Variants in SRRT observed in about 807,000 individuals in gnomAD.
SRRT encodes the protein serrate RNA effector molecule homolog.
A neutral mutation model predicts 103.2 loss-of-function variants in SRRT; 32 were observed. That is an observed-to-expected ratio of 0.31 (90% CI 0.23 to 0.42). SRRT has a LOEUF of 0.42. SRRT is among the 10% of genes least tolerant of loss of function. SRRT has a pLI of 1.00. For synonymous variants in SRRT, 525 were observed against 449.0 expected (o/e 1.17, Z -2.14); for missense variants, 986 against 1,207.5 (o/e 0.82, Z 2.72).
Position 100,885,180 on chromosome 7 carries a change from C to A in SRRT, c.1160-33C>A, listed in dbSNP as rs1359744791. 6.2e-7 allele frequency: 1 copy of A among 1,607,530 alleles called. No individual in the cohort carries two copies. The highest frequency in any genetic ancestry group is 1.1e-5 in the South Asian group (1 of 90,724). On this transcript the variant is annotated intron_variant, in intron 9 of 19. Coordinates refer to ENST00000611405, the MANE Select transcript of SRRT (RefSeq NM_015908.6). This position sits in a 1 kb window ranked among gnomAD's most constrained non-coding sequence, Gnocchi z 4.8. ...CCCACCACAATCAGTAATAAAAATGCACCAACTCCTTCCTACCCCCCTTCC... is the reference window on the plus strand; with the variant it reads ...CCCACCACAATCAGTAATAAAAATGAACCAACTCCTTCCTACCCCCCTTCC...
Position 100,886,988 on chromosome 7 carries a change from G to T in SRRT, c.1821+20G>T. 6.2e-7 allele frequency: 1 copy of T among 1,609,970 alleles called. No individual in the cohort carries two copies. Among genetic ancestry groups the T allele is most frequent in the Non-Finnish European group, 8.5e-7 (1 of 1,176,960 alleles). Reference sequence around the variant, plus strand: ...ATTAAGGTGCCAGTGGCAGCGCGGGGCACGTGGGGGCTCGGGCGGTGAGGG... The same window carrying T: ...ATTAAGGTGCCAGTGGCAGCGCGGGTCACGTGGGGGCTCGGGCGGTGAGGG... On this transcript the variant is annotated intron_variant, in intron 14 of 19. Coordinates refer to ENST00000611405, the MANE Select transcript of SRRT (RefSeq NM_015908.6).
chr7:100,875,794 A>C, intron 2 of SRRT, 82 bp downstream of exon 2: 1 of 1,562,506 alleles, frequency 6.4e-7, no homozygotes, highest in Admixed American at 1.7e-5. Context: ...CCCCCTTGTA[A>C]TTTTTATGAG....
rs769055802 is a variant in SRRT at position 100,885,835 on chromosome 7, C to T, written c.1380-28C>T. The T allele has an allele frequency of 6.2e-6, 10 of 1,613,884 alleles. No homozygotes were observed. In the South Asian group the frequency reaches 8.8e-5, roughly 14 times the overall value. ...GGCCAACACCAACTCCCTCGCTTGA[C>T]TATGCTAACATTTTCTTTCTTGTGT... On this transcript the variant is annotated intron_variant, in intron 11 of 19. Coordinates refer to ENST00000611405, the MANE Select transcript of SRRT (RefSeq NM_015908.6). This position sits in a 1 kb window ranked among gnomAD's most constrained non-coding sequence, Gnocchi z 4.8.
intron 13 of SRRT, 104 bp downstream of exon 13, chr7:100,886,539 C>T (rs1478273481): frequency 4.3e-5 from 53 of 1,238,462 alleles, no homozygotes; most frequent in African/African-American, 7.5e-5. Flanking sequence ...TGCACCCACT[C>T]GCCTGCTCAC....
At position 100,886,956 on chromosome 7, in the gene SRRT, G is replaced by C. The variant is rs768102333; in HGVS notation, c.1809G>C (p.Glu603Asp). ...CAGAGATCAACGTGGAGCGGGATGA[G>C]AAGTTGATTAAGGTGCCAGTGGCAG... Reference protein sequence around the residue: ...NPAEINVERDEKLIKVLDKLL... With the variant: ...NPAEINVERDDKLIKVLDKLL... Residue 603 changes from glutamate (E) to aspartate (D), a missense_variant, in exon 14 of 20, where the codon GAG becomes GAC. By Grantham distance (45) the Glu-to-Asp change is conservative. This residue lies in a region of SRRT where 349 missense variants were observed against 446.9 expected (regional missense o/e 0.78). Coordinates refer to ENST00000611405, the MANE Select transcript of SRRT (RefSeq NM_015908.6). The C allele has an allele frequency of 8.8e-5, 142 of 1,611,140 alleles. No homozygotes were observed. The highest frequency in any genetic ancestry group is 1.1e-4 in the Non-Finnish European group (130 of 1,177,990).
chr7:100,882,035 G>C lies in SRRT; in HGVS notation c.399-18G>C. The C allele has an allele frequency of 6.2e-7, 1 of 1,605,034 alleles. No individual in the cohort carries two copies. Among genetic ancestry groups the C allele is most frequent in the South Asian group, 1.1e-5 (1 of 90,388 alleles). On this transcript the variant is annotated intron_variant, in intron 4 of 19. Transcript: ENST00000611405. The surrounding 1 kb of genome is among the most constrained non-coding windows in gnomAD (Gnocchi z 4.2). ...CGTTCCCCAAAAACCAAGCCTTCCT[G>C]ACCGGGGTCCCCTCCAGGCTGGGCA... is the stretch of plus-strand genomic sequence containing the variant.
chr7:100,879,078 C>G (rs1816037498), intron 2 of SRRT, among the ~76,000 whole-genome samples: 2 of 152,142 alleles, frequency 1.3e-5, no homozygotes, highest in South Asian at 4.1e-4. Flanking sequence ...ACCTCAGCCT[C>G]CCGAGTAGTT....
At chr7:100,878,515 ATACTATTTCAGATTGAAGGTTC>A (rs1487687597) in intron 2 of SRRT, among the ~76,000 whole-genome samples, 10 of 152,212 alleles carry the variant, frequency 6.6e-5, no homozygotes, top group South Asian at 2.1e-4. Flanking sequence ...ATATTCACTG[ATACTATTTCAGATTGAAGGTTC>A]TAACTAGCCT....
At position 100,875,338 on chromosome 7, in the gene SRRT, G is replaced by C; in HGVS notation, c.-19+10G>C. 3 of 1,242,418 alleles carry C rather than the reference G, an allele frequency of 2.4e-6. No individual in the cohort carries two copies. The highest frequency in any genetic ancestry group is 3.1e-6 in the Non-Finnish European group (3 of 973,014). 77.0% of individuals were successfully genotyped at this position (1,242,418 alleles called of 1,614,324 possible). ...CCGCGGCCGCACCAAGGTGGGGGAGGGGAGGAGCCTGGGGGGCCCCGCTGG... is the reference window on the plus strand; with the variant it reads ...CCGCGGCCGCACCAAGGTGGGGGAGCGGAGGAGCCTGGGGGGCCCCGCTGG... On this transcript the variant is annotated intron_variant, in intron 1 of 19. Transcript: ENST00000611405.
In SRRT at chr7:100,875,337, G is replaced by A; in HGVS notation, c.-19+9G>A. The A allele has an allele frequency of 8.1e-7, 1 of 1,239,170 alleles. No homozygotes were observed. The highest frequency in any genetic ancestry group is 1.0e-6 in the Non-Finnish European group (1 of 970,412). 76.8% of individuals were successfully genotyped at this position (1,239,170 alleles called of 1,614,324 possible). Reference sequence around the variant, plus strand: ...GCCGCGGCCGCACCAAGGTGGGGGAGGGGAGGAGCCTGGGGGGCCCCGCTG... The same window carrying A: ...GCCGCGGCCGCACCAAGGTGGGGGAAGGGAGGAGCCTGGGGGGCCCCGCTG... On this transcript the variant is annotated intron_variant, in intron 1 of 19. Coordinates refer to ENST00000611405, the MANE Select transcript of SRRT (RefSeq NM_015908.6).
Position 100,882,312 on chromosome 7 carries a change from C to A in SRRT, c.587+71C>A. The A allele has an allele frequency of 1.3e-6, 2 of 1,520,316 alleles. No homozygotes were observed. The highest frequency in any genetic ancestry group is 2.4e-5 in the South Asian group (2 of 81,834). 94.2% of individuals were successfully genotyped at this position (1,520,316 alleles called of 1,614,324 possible). A position where few individuals can be genotyped will look rare whatever the true frequency, so the allele number is the denominator to read the frequency against. On this transcript the variant is annotated intron_variant, in intron 5 of 19. Transcript: ENST00000611405. This position sits in a 1 kb window ranked among gnomAD's most constrained non-coding sequence, Gnocchi z 4.2. ...TGGCCCCGCTGGTGGAGCCACAGCC[C>A]TGTCCTCTTCCCAGTTTTCCCTGTC...
At chr7:100,877,419 C>CAAAAAAAAAAAAAAAAAAAAAA in intron 2 of SRRT, among the ~76,000 whole-genome samples, 1 of 69,054 alleles carries the variant, frequency 1.4e-5, no homozygotes, top group Non-Finnish European at 2.6e-5. Context: ...GACTCTGTCT[C>CAAAAAAAAAAAAAAAAAAAAAA]AAAAAAAAAA....
chr7:100,886,190 T>G lies in SRRT; in HGVS notation c.1459-57T>G. ...CAAGAGGGAAGGGTCTTAGAGCTGCTGTTTCTCTGGCAAGCGGGGTAAGTG... is the reference window on the plus strand; with the variant it reads ...CAAGAGGGAAGGGTCTTAGAGCTGCGGTTTCTCTGGCAAGCGGGGTAAGTG... On this transcript the variant is annotated intron_variant, in intron 12 of 19. Coordinates refer to ENST00000611405, the MANE Select transcript of SRRT (RefSeq NM_015908.6). 5 of 1,567,334 alleles carry G rather than the reference T, an allele frequency of 3.2e-6. No individual in the cohort carries two copies. In the South Asian group the frequency reaches 5.9e-5, roughly 18 times the overall value.
chr7:100,880,367 A>G (rs919713434), intron 2 of SRRT, among the ~76,000 whole-genome samples: 3 of 151,838 alleles, frequency 2.0e-5, no homozygotes, highest in African/African-American at 7.3e-5. Context: ...CAGTGGCGCG[A>G]TCTCGGCTCA....
At chr7:100,884,314 G>A (rs187232903) in intron 6 of SRRT, 54 bp from the exon 7 acceptor site, 17 of 1,611,568 alleles carry the variant, frequency 1.1e-5, no homozygotes, top group Admixed American at 3.4e-5. Flanking sequence ...GGTAGAAGCC[G>A]GTTGACAGGA....
In SRRT at chr7:100,887,096, A is replaced by G; in HGVS notation, c.1871A>G (p.Tyr624Cys). ...CTGCGCATCGTGCATTCCTTGGATT[A>G]TTACAACACCTGTGAGTACCCCAAC... ...LYLRIVHSLD[Y>C]YNTCEYPNED... The change falls in exon 15 of 20, where the codon TAT (tyrosine) becomes TGT (cysteine). Residue 624 changes from tyrosine (Y) to cysteine (C), a missense_variant. This residue lies in a region of SRRT where 349 missense variants were observed against 446.9 expected (regional missense o/e 0.78). Coordinates refer to ENST00000611405, the MANE Select transcript of SRRT (RefSeq NM_015908.6). This position sits in a 1 kb window ranked among gnomAD's most constrained non-coding sequence, Gnocchi z 4.1. 6.2e-7 allele frequency: 1 copy of G among 1,614,188 alleles called. No homozygotes were observed. Among genetic ancestry groups the G allele is most frequent in the Non-Finnish European group, 8.5e-7 (1 of 1,180,032 alleles).
intron 2 of SRRT, among the ~76,000 whole-genome samples, chr7:100,879,121 A>G (rs1816043693): frequency 6.6e-6 from 1 of 151,870 alleles, no homozygotes; most frequent in South Asian, 2.1e-4. Context: ...ACGCCCGGCT[A>G]ATTTTTGTGT....
At chr7:100,886,163 C>T in intron 12 of SRRT, 84 bp from the exon 13 acceptor site, 1 of 1,479,452 alleles carries the variant, frequency 6.8e-7, no homozygotes. Flanking sequence ...ATCGCTGGTG[C>T]TCAAGAGGGA....
chr7:100,879,977 T>C (rs1252512198), intron 2 of SRRT, among the ~76,000 whole-genome samples: 2 of 151,898 alleles, frequency 1.3e-5, no homozygotes. Flanking sequence ...GAAGTAACGG[T>C]GTGATGTGAT....
Sources: gnomAD v4.1 joint callset for allele counts (sites outside exome capture counted in the v4.1 genomes callset) on GRCh38, gnomAD v4.1.1 for gene constraint, gnomAD v4.1.1 regional missense constraint, Gnocchi (gnomAD v3.1) non-coding constraint, MANE v1.5 for transcripts, NCBI Gene and HGNC (gene_info 2026-07-23, HGNC 2026-07-21) for gene names.